The following ADAM19 variants were observed in gnomAD, a reference collection of about 807,000 sequenced individuals.
The protein encoded by ADAM19 is ADAM metallopeptidase domain 19.
A neutral mutation model predicts 114.7 loss-of-function variants in ADAM19; 65 were observed. That is an observed-to-expected ratio of 0.57 (90% CI 0.46 to 0.70). The LOEUF (loss-of-function observed/expected upper bound fraction) is 0.70, where lower values mean the gene tolerates loss of function less well. Ranked by LOEUF, ADAM19 falls within the 30% of genes least tolerant of loss-of-function variation. ADAM19 has a pLI of 0.00. For synonymous variants in ADAM19, 466 were observed against 460.5 expected, an observed-to-expected ratio of 1.01 and a Z score of -0.15; for missense variants, 1,063 against 1,204.7, an observed-to-expected ratio of 0.88 and a Z score of 1.74.
intron 4 of ADAM19, among the ~76,000 whole-genome samples, chr5:157,531,427 G>C (rs560967368): frequency 6.6e-6 from 1 of 152,182 alleles, no homozygotes; most frequent in Non-Finnish European, 1.5e-5. Flanking sequence ...AGCACTTTGG[G>C]AGGCTGAGGC....
In ADAM19 at chr5:157,488,326, G is replaced by T. The variant is rs35242691; in HGVS notation, c.2489C>A (p.Ser830Ter). 57 of 1,614,052 alleles carry T rather than the reference G, an allele frequency of 3.5e-5. No homozygotes were observed. The highest frequency in any genetic ancestry group is 4.6e-5 in the Non-Finnish European group (54 of 1,180,022). ...GPGSQIERTE[S>*]SRRPPPSRPI... The stretch of plus-strand genomic sequence containing the variant: ...CCGGCTTGGAGGAGGCCTCCTGGAC[G>T]ACTCCGTCCTCTCTATTTGAGACCC... Residue 830 changes from serine (S) to a stop codon, truncating the protein, a stop_gained, in exon 21 of 23, where the codon TCG (serine) becomes TAG (stop). Transcript: ENST00000257527. LOFTEE classifies it high-confidence loss of function.
chr5:157,497,170 C>G lies in ADAM19; in HGVS notation c.1399-81G>C, dbSNP rs941521844. ...GTTGCCCAAGGGCTCATAAGGATCA[C>G]TCTCATAGAACAGAATTTTCCATTA... On this transcript the variant is annotated intron_variant, in intron 13 of 22. Transcript: ENST00000257527. The G allele has an allele frequency of 6.3e-6, 8 of 1,271,246 alleles. No individual in the cohort carries two copies. The African/African-American group carries it at 1.1e-4, about 17-fold the overall frequency. The allele number at this position is 1,271,246 out of a possible 1,614,324, so 78.7% of individuals were successfully genotyped here.
At position 157,479,256 on chromosome 5, in the gene ADAM19, CA is replaced by C. The variant is rs1387917631; in HGVS notation, c.*1692del. The C allele has an allele frequency of 1.0e-6, 1 of 985,768 alleles. No individual in the cohort carries two copies. Among genetic ancestry groups the C allele is most frequent in the African/African-American group, 1.7e-5 (1 of 57,228 alleles). 61.1% of individuals were successfully genotyped at this position (985,768 alleles called of 1,614,324 possible). A position where few individuals can be genotyped will look rare whatever the true frequency, so the allele number is the denominator to read the frequency against. ...CCCCAGGGGTACATCCCGTATTTTC[CA>C]CTTATTTCCAAACCCAAGAACATCC... On this transcript the variant is annotated 3_prime_UTR_variant, in exon 23 of 23. Transcript: ENST00000257527.
chr5:157,535,293 C>G (rs1432445324), intron 4 of ADAM19, among the ~76,000 whole-genome samples: 1 of 152,250 alleles, frequency 6.6e-6, no homozygotes, highest in East Asian at 1.9e-4. Context: ...CCCCAACCGC[C>G]TGACCTAGAT....
chr5:157,543,412 T>A (rs1393763882), intron 3 of ADAM19, among the ~76,000 whole-genome samples: 1 of 152,214 alleles, frequency 6.6e-6, no homozygotes, highest in Non-Finnish European at 1.5e-5. Context: ...GAATTCAGAC[T>A]GGTCAGTAAC....
chr5:157,498,422 T>C (rs1755434809), intron 13 of ADAM19, among the ~76,000 whole-genome samples: 1 of 152,332 alleles, frequency 6.6e-6, no homozygotes, highest in African/African-American at 2.4e-5. Flanking sequence ...GCACCTGCTG[T>C]GTAACCTGTG....
At chr5:157,555,818 G>A (rs757672192) in intron 3 of ADAM19, among the ~76,000 whole-genome samples, 6 of 152,174 alleles carry the variant, frequency 3.9e-5, no homozygotes, top group Admixed American at 6.5e-5. Context: ...GCAGGGCTGC[G>A]TGCCCTCTGG....
intron 3 of ADAM19, among the ~76,000 whole-genome samples, chr5:157,551,450 C>T (rs940674715): frequency 6.7e-6 from 1 of 148,362 alleles, no homozygotes; most frequent in African/African-American, 2.5e-5. Context: ...AAACTAAGAC[C>T]TCAAACCATT....
intron 4 of ADAM19, among the ~76,000 whole-genome samples, chr5:157,534,424 C>T (rs961938665): frequency 3.3e-5 from 5 of 152,170 alleles, no homozygotes; most frequent in African/African-American, 7.2e-5. Flanking sequence ...GTCAAGATTA[C>T]GCTACTGCAC....
chr5:157,481,045 G>A (rs1343174484), intron 22 of ADAM19, 43 bp from the exon 23 acceptor site: 1 of 1,613,272 alleles, frequency 6.2e-7, no homozygotes, highest in Admixed American at 1.7e-5. Flanking sequence ...TCAGCTTGAT[G>A]CTGATCAATG....
chr5:157,515,395 C>T (rs1276095859), intron 7 of ADAM19, among the ~76,000 whole-genome samples: 1 of 152,178 alleles, frequency 6.6e-6, no homozygotes, highest in Non-Finnish European at 1.5e-5. Context: ...ATTTAAGGAG[C>T]GAATTCTGTT....
At chr5:157,544,407 C>T (rs1756996993) in intron 3 of ADAM19, among the ~76,000 whole-genome samples, 1 of 152,250 alleles carries the variant, frequency 6.6e-6, no homozygotes. Context: ...CCGCACAAGA[C>T]CTGGCACCCT....
chr5:157,536,691 G>A (rs553742927), intron 4 of ADAM19, among the ~76,000 whole-genome samples: 16 of 152,256 alleles, frequency 1.1e-4, no homozygotes, highest in African/African-American at 2.4e-4. Flanking sequence ...GTAATCTGGC[G>A]AACTAATCTG....
At chr5:157,528,272 C>T (rs1314989189) in intron 5 of ADAM19, among the ~76,000 whole-genome samples, 6 of 152,270 alleles carry the variant, frequency 3.9e-5, no homozygotes, top group East Asian at 1.9e-4. Context: ...CCTCACCAGA[C>T]GGAAGCATGC....
At chr5:157,499,197 A>G (rs777896892) in intron 13 of ADAM19, among the ~76,000 whole-genome samples, 7 of 152,174 alleles carry the variant, frequency 4.6e-5, no homozygotes, top group Non-Finnish European at 8.8e-5. Context: ...GAGATAACGT[A>G]CATAAAATTC....
chr5:157,504,743 A>G (rs534530787), intron 11 of ADAM19, among the ~76,000 whole-genome samples: 8 of 152,148 alleles, frequency 5.3e-5, no homozygotes, highest in African/African-American at 1.9e-4. Context: ...GAAGAACCCA[A>G]TGCTTTGTGC....
At chr5:157,539,681 T>C (rs536331163) in intron 3 of ADAM19, among the ~76,000 whole-genome samples, 17 of 152,262 alleles carry the variant, frequency 1.1e-4, no homozygotes, top group African/African-American at 3.9e-4. Flanking sequence ...CATGGAAACT[T>C]TGGGTCAGTG....
chr5:157,479,921 T>G lies in ADAM19; in HGVS notation c.*1028A>C. ...AGAGTAAGGAGGAAGACCCCCACCC[T>G]GCTGAGGTCACAAAACACAATGAAA... On this transcript the variant is annotated 3_prime_UTR_variant, in exon 23 of 23. Coordinates refer to ENST00000257527, the MANE Select transcript of ADAM19 (RefSeq NM_033274.5). 1.0e-6 allele frequency: 1 copy of G among 985,912 alleles called. No homozygotes were observed. Among genetic ancestry groups the G allele is most frequent in the Non-Finnish European group, 1.2e-6 (1 of 830,044 alleles). 61.1% of individuals were successfully genotyped at this position (985,912 alleles called of 1,614,324 possible).
intron 21 of ADAM19, among the ~76,000 whole-genome samples, chr5:157,484,447 C>G (rs1754865276): frequency 6.6e-6 from 1 of 152,062 alleles, no homozygotes; most frequent in African/African-American, 2.4e-5. Flanking sequence ...ACCCGCAGGC[C>G]CCCAAGCTGT....
Sources: allele counts gnomAD v4.1 joint callset (sites outside exome capture counted in the v4.1 genomes callset), GRCh38; gene constraint gnomAD v4.1.1; transcripts MANE v1.5; gene names NCBI Gene and HGNC (gene_info 2026-07-23, HGNC 2026-07-21).